Variants in ABLIM1 observed in about 807,000 individuals in gnomAD.
The protein encoded by ABLIM1 is actin binding LIM protein 1, also known as actin-binding LIM protein 1.
In ABLIM1, 40 loss-of-function variants were observed where a neutral mutation model predicts 107.0. That is an observed-to-expected ratio of 0.37 (90% CI 0.29 to 0.49). ABLIM1 has a LOEUF of 0.49. ABLIM1 is among the 20% of genes least tolerant of loss of function. The pLI is 0.97. For synonymous variants in ABLIM1, 357 were observed against 357.3 expected (o/e 1.00, Z 0.01); for missense variants, 857 against 1,008.5 (o/e 0.85, Z 2.04).
At chr10:114,538,662 C>T (rs2066297701) in intron 6 of ABLIM1, among the ~76,000 whole-genome samples, 1 of 152,220 alleles carries the variant, frequency 6.6e-6, no homozygotes, top group Admixed American at 6.5e-5. Flanking sequence ...GGACTCAGAG[C>T]CCCGCCCTCT....
chr10:114,769,475 GAA>G (rs1378931594), upstream of ABLIM1, among the ~76,000 whole-genome samples: 2 of 110,874 alleles, frequency 1.8e-5, no homozygotes, highest in African/African-American at 3.3e-5. Flanking sequence ...AAGAAAGAAA[GAA>G]AGAGAAAGAA....
chr10:114,464,932 G>T (rs985306305), intron 12 of ABLIM1, among the ~76,000 whole-genome samples: 1 of 152,126 alleles, frequency 6.6e-6, no homozygotes, highest in African/African-American at 2.4e-5. Context: ...GGGAATCTTG[G>T]ATCTGTACTG....
intron 12 of ABLIM1, among the ~76,000 whole-genome samples, chr10:114,458,602 A>T (rs1336263050): frequency 2.0e-5 from 3 of 152,330 alleles, no homozygotes; most frequent in Admixed American, 1.3e-4. Context: ...GACAGTTTTA[A>T]GATTGCCGGT....
At chr10:114,545,156 C>A in intron 5 of ABLIM1, 58 bp from the exon 6 acceptor site, 1 of 1,472,958 alleles carries the variant, frequency 6.8e-7, no homozygotes, top group African/African-American at 1.4e-5. Context: ...GGAGAAGACA[C>A]CAAAACCACA....
intron 1 of ABLIM1, among the ~76,000 whole-genome samples, chr10:114,606,277 C>T (rs185770914): frequency 1.5e-4 from 23 of 152,182 alleles, no homozygotes; most frequent in Non-Finnish European, 2.8e-4. Flanking sequence ...TGCTCTGTCG[C>T]CAGGCTGGAG....
At chr10:114,499,084 A>G (rs2060054377) in intron 6 of ABLIM1, among the ~76,000 whole-genome samples, 1 of 152,270 alleles carries the variant, frequency 6.6e-6, no homozygotes, top group East Asian at 1.9e-4. Context: ...AGCTAGGGGT[A>G]GAACCCAGGT....
intron 22 of ABLIM1, 59 bp from the exon 23 acceptor site, chr10:114,436,432 C>T: frequency 1.5e-6 from 2 of 1,306,524 alleles, no homozygotes; most frequent in Non-Finnish European, 2.2e-6. Context: ...CACAAATGGC[C>T]TTGAGCGTTG....
intron 8 of ABLIM1, among the ~76,000 whole-genome samples, chr10:114,486,955 T>C (rs2058283114): frequency 6.6e-6 from 1 of 152,172 alleles, no homozygotes. Flanking sequence ...AAATAAGAGC[T>C]GTAATTCCCA....
chr10:114,795,923 T>C, the ABLIM1 span, among the ~76,000 whole-genome samples: 1 of 152,198 alleles, frequency 6.6e-6, no homozygotes, highest in Admixed American at 6.5e-5. Flanking sequence ...TTGTTTTTAT[T>C]TTATTTTGCC....
intron 1 of ABLIM1, among the ~76,000 whole-genome samples, chr10:114,739,063 T>C (rs2082238966): frequency 6.6e-6 from 1 of 152,126 alleles, no homozygotes; most frequent in Non-Finnish European, 1.5e-5. Flanking sequence ...AATGAAAAGG[T>C]GGTGATTTTA....
chr10:114,511,667 T>C (rs1390445469), intron 6 of ABLIM1, among the ~76,000 whole-genome samples: 1 of 151,908 alleles, frequency 6.6e-6, no homozygotes, highest in African/African-American at 2.4e-5. Flanking sequence ...ACCTGGCCCC[T>C]TCTCATGTCT....
At chr10:114,438,012 T>G in intron 21 of ABLIM1, 88 bp from the exon 22 acceptor site, 1 of 1,255,476 alleles carries the variant, frequency 8.0e-7, no homozygotes, top group South Asian at 1.3e-5. Context: ...ACTCCCAAGA[T>G]AGAGCTTCCA....
At chr10:114,644,516 C>T (rs1326957122) in intron 1 of ABLIM1, among the ~76,000 whole-genome samples, 2 of 151,592 alleles carry the variant, frequency 1.3e-5, no homozygotes, top group Non-Finnish European at 2.9e-5. Context: ...TCTTTCTTGA[C>T]GGACCTTGTC....
At chr10:114,749,024 G>A (rs36087407) in intron 1 of ABLIM1, among the ~76,000 whole-genome samples, 240 of 152,226 alleles carry the variant, frequency 1.6e-3, no homozygotes, top group Non-Finnish European at 2.5e-3. Flanking sequence ...CTCTGTCCCA[G>A]GGGATTTATG....
At chr10:114,687,455 G>A (rs2080968691), upstream of ABLIM1, among the ~76,000 whole-genome samples, 1 of 152,196 alleles carries the variant, frequency 6.6e-6, no homozygotes. Context: ...ATTCTCTTCT[G>A]CCTTGCAACA....
At chr10:114,581,550 A>G (rs898488110) in intron 2 of ABLIM1, among the ~76,000 whole-genome samples, 1 of 152,178 alleles carries the variant, frequency 6.6e-6, no homozygotes, top group African/African-American at 2.4e-5. Flanking sequence ...CTGCTCTCAT[A>G]CAGGTTTTAA....
rs915512750 is a variant in ABLIM1 at position 114,435,106 on chromosome 10, A to G, written c.*1154T>C. ...GAAACCAACATGTGCACACACACCC[A>G]TGAATTCGACAGAGCTGGGCAAGAA... On this transcript the variant is annotated 3_prime_UTR_variant, in exon 23 of 23. Transcript: ENST00000533213. 6.6e-6 allele frequency: 1 copy of G among 152,254 alleles called. No individual in the cohort carries two copies. The highest frequency in any genetic ancestry group is 1.5e-5 in the Non-Finnish European group (1 of 68,042). 9.4% of individuals were successfully genotyped at this position (152,254 alleles called of 1,614,324 possible). A position where few individuals can be genotyped will look rare whatever the true frequency, so the allele number is the denominator to read the frequency against.
chr10:114,612,029 G>T (rs1262776601), intron 1 of ABLIM1, among the ~76,000 whole-genome samples: 2 of 152,174 alleles, frequency 1.3e-5, no homozygotes, highest in Non-Finnish European at 2.9e-5. Flanking sequence ...TGTAAAAGGG[G>T]CCAAGAATAC....
intron 4 of ABLIM1, among the ~76,000 whole-genome samples, chr10:114,555,315 T>G (rs184065089): frequency 6.6e-6 from 1 of 152,346 alleles, no homozygotes; most frequent in African/African-American, 2.4e-5. Flanking sequence ...AGGGACTTTA[T>G]AGACCATCTG....
Sources: gnomAD v4.1 joint callset for allele counts (sites outside exome capture counted in the v4.1 genomes callset) on GRCh38, gnomAD v4.1.1 for gene constraint, MANE v1.5 for transcripts, NCBI Gene and HGNC (gene_info 2026-07-23, HGNC 2026-07-21) for gene names.